Variants in TSC2 observed in about 807,000 individuals in gnomAD.
The protein encoded by TSC2 is tuberin.
TSC2 carries 29 observed loss-of-function variants against 202.2 expected under a neutral mutation model. That is an observed-to-expected ratio of 0.14 (90% CI 0.11 to 0.20). The LOEUF (loss-of-function observed/expected upper bound fraction) is 0.20, where lower values mean the gene tolerates loss of function less well. Ranked by LOEUF, TSC2 falls within the 10% of genes least tolerant of loss-of-function variation. The pLI, the probability that TSC2 is intolerant of heterozygous loss-of-function variation, is 1.00. For synonymous variants in TSC2, 1,349 were observed against 1,044.0 expected, an observed-to-expected ratio of 1.29 and a Z score of -5.63; for missense variants, 2,429 against 2,420.0, an observed-to-expected ratio of 1.00 and a Z score of -0.08.
At chr16:2,070,629 C>T (rs2088165489) in intron 17 of TSC2, 51 bp downstream of exon 17, 4 of 1,611,816 alleles carry the variant, frequency 2.5e-6, no homozygotes, top group African/African-American at 1.3e-5. Context: ...AGCCAGGTAT[C>T]CCCGTCTCGG....
At chr16:2,048,201 T>G in intron 1 of TSC2, 136 bp downstream of exon 1, 5 of 1,523,550 alleles carry the variant, frequency 3.3e-6, no homozygotes, top group Non-Finnish European at 4.5e-6. Context: ...GAGCATCCCT[T>G]AGTTTTAAGT....
At chr16:2,085,120 C>A in intron 35 of TSC2, 94 bp downstream of exon 35, 1 of 1,601,592 alleles carries the variant, frequency 6.2e-7, no homozygotes, top group Non-Finnish European at 8.5e-7. Flanking sequence ...CTCAGGCTTG[C>A]AGAGGGCTCT....
chr16:2,053,754 G>C (rs1214923434), intron 4 of TSC2: 2 of 573,716 alleles, frequency 3.5e-6, no homozygotes, highest in Admixed American at 4.4e-5. Flanking sequence ...AGCTGGTGTG[G>C]GGCTACGGTG....
Position 2,054,358 on chromosome 16 carries a change from C to T in TSC2, c.399C>T (p.Asn133=), listed in dbSNP as rs746704620. The change falls in exon 5 of 42, where the codon AAC becomes AAT. Residue 133 remains asparagine (N), a synonymous_variant. Coordinates refer to ENST00000219476, the MANE Select transcript of TSC2 (RefSeq NM_000548.5). ...AGGTCATCAAGGATTACCCTTCCAACGAAGACCTTCACGAAAGGCTGGAGG... is the reference window on the plus strand; with the variant it reads ...AGGTCATCAAGGATTACCCTTCCAATGAAGACCTTCACGAAAGGCTGGAGG... ...FFKVIKDYPS[N]EDLHERLEVF... is the part of the protein sequence containing the mutation. 22 of 1,614,072 alleles carry T rather than the reference C, an allele frequency of 1.4e-5. No individual in the cohort carries two copies. Among genetic ancestry groups the T allele is most frequent in the East Asian group, 2.2e-5 (1 of 44,896 alleles).
chr16:2,088,076 G>A lies in TSC2; in HGVS notation c.5097G>A (p.Val1699=), dbSNP rs397515314. Residue 1699 remains valine (V), a synonymous_variant, in exon 40 of 42, where the codon GTG becomes GTA. Transcript: ENST00000219476. The part of the protein sequence containing the change: ...KDMEGLVDTS[V]AKIVSDRNLP... Reference sequence around the variant, plus strand: ...TGGAGGGCCTTGTGGACACCAGCGTGGCCAAGATCGTGTCTGACCGCAACC... The same window carrying A: ...TGGAGGGCCTTGTGGACACCAGCGTAGCCAAGATCGTGTCTGACCGCAACC... 1 of 1,612,794 alleles carries A rather than the reference G, an allele frequency of 6.2e-7. No homozygotes were observed. The highest frequency in any genetic ancestry group is 1.3e-5 in the African/African-American group (1 of 75,024).
Position 2,081,582 on chromosome 16 carries a change from G to A in TSC2, c.3611-13G>A, listed in dbSNP as rs2151480264. On this transcript the variant is annotated splice_polypyrimidine_tract_variant and intron_variant, in intron 30 of 41. Coordinates refer to ENST00000219476, the MANE Select transcript of TSC2 (RefSeq NM_000548.5). ...GTACTGGCCTCAGGCCAAAGGTGCT[G>A]CCGCCTCCGCAGGGAACACCAGCTG... 6.2e-7 allele frequency: 1 copy of A among 1,612,862 alleles called. No homozygotes were observed. The highest frequency in any genetic ancestry group is 8.5e-7 in the Non-Finnish European group (1 of 1,179,980).
intron 15 of TSC2, 146 bp downstream of exon 15, chr16:2,064,573 C>T (rs1023305909): frequency 8.9e-5 from 113 of 1,273,990 alleles, no homozygotes; most frequent in Non-Finnish European, 8.8e-5. Flanking sequence ...GTGGGTGTCC[C>T]GAGGCCTGTG....
chr16:2,054,888 G>A (rs1365639277), intron 5 of TSC2: 6 of 331,740 alleles, frequency 1.8e-5, no homozygotes, highest in Non-Finnish European at 2.9e-5. Context: ...TAGAGAAAGA[G>A]GAGGAAGAGA....
In TSC2 at chr16:2,054,629, CAG is replaced by C. The variant is rs2085541745; in HGVS notation, c.481+192_481+193del. 15 of 807,074 alleles carry C rather than the reference CAG, an allele frequency of 1.9e-5. No homozygotes were observed. In the South Asian group the frequency reaches 2.2e-4, roughly 12 times the overall value. 50.0% of individuals were successfully genotyped at this position (807,074 alleles called of 1,614,324 possible). A position where few individuals can be genotyped will look rare whatever the true frequency, so the allele number is the denominator to read the frequency against. On this transcript the variant is annotated intron_variant, in intron 5 of 41. Transcript: ENST00000219476. The stretch of plus-strand genomic sequence containing the variant: ...GCCCCTGAGGCACGTGTTAAAAATG[CAG>C]AGTCCTGGCCTTCACCCCAGACCTG...
intron 22 of TSC2, 28 bp from the exon 23 acceptor site, chr16:2,075,771 C>T: frequency 6.2e-7 from 1 of 1,610,298 alleles, no homozygotes; most frequent in Non-Finnish European, 8.5e-7. Context: ...GACCCCGGCT[C>T]CCCTGACCAC....
rs776078755 is a variant in TSC2 at position 2,056,801 on chromosome 16, C to T, written c.774+32C>T. ...TTTCTGAAACTGCTCTGGAAGGTTC[C>T]TGAGAGCACATGGATGGGACAAGGG... is the stretch of plus-strand genomic sequence containing the variant. On this transcript the variant is annotated intron_variant, in intron 8 of 41. Coordinates refer to ENST00000219476, the MANE Select transcript of TSC2 (RefSeq NM_000548.5). 4 of 1,603,144 alleles carry T rather than the reference C, an allele frequency of 2.5e-6. No homozygotes were observed. In the South Asian group the frequency reaches 3.3e-5, roughly 13 times the overall value.
At chr16:2,088,016 C>T (rs1377048790) in intron 39 of TSC2, 32 bp from the exon 40 acceptor site, 3 of 1,612,822 alleles carry the variant, frequency 1.9e-6, no homozygotes, top group South Asian at 1.1e-5. Context: ...GCCAAGAGCC[C>T]TGGGCCTGGC....
rs940922598 is a variant in TSC2, at chr16:2,080,026, G to A, written c.3398-139G>A. The A allele has an allele frequency of 7.5e-5, 89 of 1,186,476 alleles. 1 individual carries two copies. Among genetic ancestry groups the A allele is most frequent in the Admixed American group, 1.2e-4 (7 of 56,758 alleles). The allele number at this position is 1,186,476 out of a possible 1,614,324, so 73.5% of individuals were successfully genotyped here. ...ACTGAGGCCAGCACTGTGGTGGGCC[G>A]TGCCCCAAGGGCAGAGCTGCCACCG... On this transcript the variant is annotated intron_variant, in intron 29 of 41. Coordinates refer to ENST00000219476, the MANE Select transcript of TSC2 (RefSeq NM_000548.5).
At chr16:2,059,502 G>C (rs2086348569) in intron 10 of TSC2, among the ~76,000 whole-genome samples, 1 of 135,122 alleles carries the variant, frequency 7.4e-6, no homozygotes, top group African/African-American at 2.8e-5. Flanking sequence ...ACAGTGCCTG[G>C]CTAATGGTTT....
At chr16:2,055,377 C>A (rs2151057726) in intron 5 of TSC2, 25 bp from the exon 6 acceptor site, 1 of 1,600,786 alleles carries the variant, frequency 6.2e-7, no homozygotes, top group Non-Finnish European at 8.6e-7. Context: ...GGCGTCCTCG[C>A]AAACTGCCGC....
At chr16:2,060,174 C>A (rs192958340) in intron 10 of TSC2, among the ~76,000 whole-genome samples, 1 of 152,162 alleles carries the variant, frequency 6.6e-6, no homozygotes, top group Non-Finnish European at 1.5e-5. Flanking sequence ...GTGATGACAG[C>A]GCTTTTTGTG....
At position 2,062,962 on chromosome 16, in the gene TSC2, C is replaced by T. The variant is rs45446697; in HGVS notation, c.1362-10C>T. ...CTCCCCACCCGCCCCAGCAGGCTGC[C>T]GTCCCGCAGGAGCGAGTCCCGAGGC... is the stretch of plus-strand genomic sequence containing the variant. On this transcript the variant is annotated splice_polypyrimidine_tract_variant and intron_variant, in intron 13 of 41. Coordinates refer to ENST00000219476, the MANE Select transcript of TSC2 (RefSeq NM_000548.5). The T allele has an allele frequency of 3.4e-5, 52 of 1,549,312 alleles. No individual in the cohort carries two copies. The African/African-American group carries it at 4.7e-4, about 14-fold the overall frequency.
chr16:2,069,215 C>T (rs1357913469), intron 16 of TSC2, among the ~76,000 whole-genome samples: 1 of 152,106 alleles, frequency 6.6e-6, no homozygotes, highest in African/African-American at 2.4e-5. Flanking sequence ...ATGGGGGGTG[C>T]CAGGCACTGT....
In TSC2 at chr16:2,084,669, A is replaced by G. The variant is rs199644840; in HGVS notation, c.4447A>G (p.Arg1483Gly). 33 of 1,598,750 alleles carry G rather than the reference A, an allele frequency of 2.1e-5. No homozygotes were observed. The African/African-American group carries it at 4.1e-4, about 20-fold the overall frequency. The change falls in exon 34 of 42, where the codon AGA (arginine) becomes GGA (glycine). Residue 1483 changes from arginine to glycine, a missense_variant. Transcript: ENST00000219476. ...KRVERDALKS[R>G]ATASNAEKVP... is the part of the protein sequence containing the mutation. ...AGTAGAGAGGGACGCCTTAAAGAGCAGAGCCACAGCCTCCAATGCAGAGAA... is the reference window on the plus strand; with the variant it reads ...AGTAGAGAGGGACGCCTTAAAGAGCGGAGCCACAGCCTCCAATGCAGAGAA...
Sources: gnomAD v4.1 joint callset for allele counts (sites outside exome capture counted in the v4.1 genomes callset) on GRCh38, gnomAD v4.1.1 for gene constraint, MANE v1.5 for transcripts, NCBI Gene and HGNC (gene_info 2026-07-23, HGNC 2026-07-21) for gene names.